Variants in PDSS2 observed in about 807,000 individuals in gnomAD.
PDSS2 encodes the protein all trans-polyprenyl-diphosphate synthase PDSS2.
Under a neutral mutation model 44.5 loss-of-function variants are expected in PDSS2, and 31 were observed. The observed-to-expected ratio is 0.70, with a 90% CI of 0.52 to 0.94. The LOEUF is 0.94. Among genes scored for constraint, PDSS2 ranks in the 40% least tolerant of loss-of-function variants. The probability of loss-of-function intolerance (pLI) is 0.00; values close to 1 mark genes in which losing one functional copy is unlikely to be tolerated. For missense variants in PDSS2, 452 were observed against 482.2 expected, an observed-to-expected ratio of 0.94 and a Z score of 0.59; for synonymous variants, 157 against 180.3, an observed-to-expected ratio of 0.87 and a Z score of 1.03.
intron 1 of PDSS2, among the ~76,000 whole-genome samples, chr6:107,402,888 A>G (rs1780192663): frequency 6.6e-6 from 1 of 152,112 alleles, no homozygotes; most frequent in African/African-American, 2.4e-5. Context: ...CTACAGTTCA[A>G]GATGAGATTT....
intron 3 of PDSS2, among the ~76,000 whole-genome samples, chr6:107,251,566 C>T (rs1407295727): frequency 6.6e-6 from 1 of 152,198 alleles, no homozygotes; most frequent in East Asian, 1.9e-4. Flanking sequence ...CTCTTTCCTC[C>T]ACCCCCAGGA....
chr6:107,242,698 G>T (rs1274204929), intron 4 of PDSS2, among the ~76,000 whole-genome samples: 2 of 152,080 alleles, frequency 1.3e-5, no homozygotes, highest in African/African-American at 4.8e-5. Flanking sequence ...ACCATGCCCA[G>T]TTATTTTATT....
At chr6:107,422,473 T>C (rs970981394) in intron 1 of PDSS2, among the ~76,000 whole-genome samples, 1 of 151,928 alleles carries the variant, frequency 6.6e-6, no homozygotes, top group African/African-American at 2.4e-5. Context: ...TAGGAAGGTA[T>C]CCTAAGGAAA....
At chr6:107,248,597 T>G (rs765953234) in intron 3 of PDSS2, among the ~76,000 whole-genome samples, 1 of 151,958 alleles carries the variant, frequency 6.6e-6, no homozygotes, top group African/African-American at 2.4e-5. Context: ...ATAATTTGAT[T>G]GTGAGATTTG....
intron 1 of PDSS2, among the ~76,000 whole-genome samples, chr6:107,348,714 A>ATG (rs2115323641): frequency 6.6e-6 from 1 of 152,376 alleles, no homozygotes; most frequent in East Asian, 1.9e-4. Flanking sequence ...CAGACAAATA[A>ATG]TAAATAGTCC....
intron 1 of PDSS2, among the ~76,000 whole-genome samples, chr6:107,409,373 C>A (rs570167960): frequency 6.6e-6 from 1 of 152,170 alleles, no homozygotes; most frequent in South Asian, 2.1e-4. Flanking sequence ...CTGTTTGAAA[C>A]TGCCTACCTA....
intron 6 of PDSS2, among the ~76,000 whole-genome samples, chr6:107,200,042 A>G (rs756160632): frequency 6.6e-6 from 1 of 152,208 alleles, no homozygotes; most frequent in Non-Finnish European, 1.5e-5. Context: ...GAGAAGAATT[A>G]GTGTAATTAA....
intron 1 of PDSS2, among the ~76,000 whole-genome samples, chr6:107,353,694 A>C (rs574952228): frequency 6.6e-6 from 1 of 152,258 alleles, no homozygotes; most frequent in South Asian, 2.1e-4. Context: ...CTTTCTTCCC[A>C]GTTCTCGAAA....
chr6:107,365,134 ATTTC>A (rs947748269), intron 1 of PDSS2, among the ~76,000 whole-genome samples: 1 of 152,190 alleles, frequency 6.6e-6, no homozygotes, highest in African/African-American at 2.4e-5. Flanking sequence ...CATTTTTCTC[ATTTC>A]TTCTCTTAAA....
chr6:107,448,396 T>C (rs1781758605), intron 1 of PDSS2, among the ~76,000 whole-genome samples: 1 of 152,174 alleles, frequency 6.6e-6, no homozygotes, highest in South Asian at 2.1e-4. Context: ...AAATCATCTC[T>C]CTCAAGTTCA....
At chr6:107,254,894 C>T (rs1415417809) in intron 3 of PDSS2, among the ~76,000 whole-genome samples, 2 of 151,596 alleles carry the variant, frequency 1.3e-5, no homozygotes, top group Non-Finnish European at 2.9e-5. Context: ...GATGGAGTCT[C>T]GCTGTGTCAC....
intron 1 of PDSS2, among the ~76,000 whole-genome samples, chr6:107,342,269 C>A (rs1024617858): frequency 1.7e-4 from 26 of 152,064 alleles, no homozygotes; most frequent in Non-Finnish European, 3.7e-4. Context: ...CACATCTCCC[C>A]AAAACAGACC....
chr6:107,383,859 G>T (rs1308355282), intron 1 of PDSS2, among the ~76,000 whole-genome samples: 1 of 152,154 alleles, frequency 6.6e-6, no homozygotes, highest in Non-Finnish European at 1.5e-5. Context: ...AGCCAGTTTT[G>T]AAAAGTTTAA....
At chr6:107,360,614 A>G (rs1371225285) in intron 1 of PDSS2, among the ~76,000 whole-genome samples, 2 of 152,226 alleles carry the variant, frequency 1.3e-5, no homozygotes, top group African/African-American at 4.8e-5. Flanking sequence ...TTTCGAAATC[A>G]TAATCACTAA....
At chr6:107,452,139 C>T (rs1212743027) in intron 1 of PDSS2, among the ~76,000 whole-genome samples, 1 of 152,100 alleles carries the variant, frequency 6.6e-6, no homozygotes, top group Admixed American at 6.5e-5. Context: ...AGGAAGCCTC[C>T]TGCCTCTGTT....
chr6:107,351,091 G>C (rs1017585784), intron 1 of PDSS2, among the ~76,000 whole-genome samples: 4 of 151,912 alleles, frequency 2.6e-5, no homozygotes, highest in Non-Finnish European at 4.4e-5. Context: ...ATTGATAAAA[G>C]TAATGGGAAA....
In PDSS2 at chr6:107,372,519, T is replaced by C. The variant is rs1378202648; in HGVS notation, c.297-38187A>G. 3.3e-5 allele frequency among the ~76,000 whole-genome samples: 5 copies of C among 152,222 alleles called. No individual in the cohort carries two copies. The South Asian group carries it at 1.0e-3, about 31-fold the overall frequency. On this transcript the variant is annotated intron_variant, in intron 1 of 7. Coordinates refer to ENST00000369037, the MANE Select transcript of PDSS2 (RefSeq NM_020381.4). ...CAAGCTGGAGGGCAGTTGCGCGATC[T>C]CGACTCACTGCAAGCTCCGCCTCCC...
intron 1 of PDSS2, among the ~76,000 whole-genome samples, chr6:107,388,240 A>C (rs1039438464): frequency 2.6e-5 from 4 of 152,204 alleles, no homozygotes; most frequent in African/African-American, 9.7e-5. Flanking sequence ...AAAGGACACT[A>C]TTAAAAATTA....
chr6:107,422,774 G>A (rs1780866653), intron 1 of PDSS2, among the ~76,000 whole-genome samples: 1 of 151,990 alleles, frequency 6.6e-6, no homozygotes. Context: ...GTATCTCTGA[G>A]TAATTAAGAC....
Sources: allele counts gnomAD v4.1 joint callset (sites outside exome capture counted in the v4.1 genomes callset), GRCh38; gene constraint gnomAD v4.1.1; transcripts MANE v1.5; gene names NCBI Gene and HGNC (gene_info 2026-07-23, HGNC 2026-07-21).